The following DLEC1 variants were observed in gnomAD, a reference collection of about 807,000 sequenced individuals.
DLEC1 encodes deleted in lung and esophageal cancer protein 1.
A neutral mutation model predicts 198.1 loss-of-function variants in DLEC1; 146 were observed. The observed-to-expected ratio is 0.74, with a 90% CI of 0.64 to 0.85. The LOEUF is 0.85. Among genes scored for constraint, DLEC1 ranks in the 40% least tolerant of loss-of-function variants. DLEC1 has a pLI of 0.00. For synonymous variants in DLEC1, 897 were observed against 866.8 expected (o/e 1.03, Z -0.61); for missense variants, 2,233 against 2,220.0 (o/e 1.01, Z -0.12).
intron 23 of DLEC1, 41 bp downstream of exon 23, chr3:38,110,322 G>T: frequency 1.2e-6 from 2 of 1,609,628 alleles, no homozygotes; most frequent in Non-Finnish European, 8.5e-7. Context: ...AGATGAAGCT[G>T]GATGGGGTGT....
At position 38,116,606 on chromosome 3, in the gene DLEC1, G is replaced by T; in HGVS notation, c.4010G>T (p.Trp1337Leu). 1 of 1,614,118 alleles carries T rather than the reference G, an allele frequency of 6.2e-7. No individual in the cohort carries two copies. The highest frequency in any genetic ancestry group is 8.5e-7 in the Non-Finnish European group (1 of 1,179,982). ...ACCCCTGAGGGTGGCTGCCTCCTCT[G>T]GTCCCCAGGCCCCTCCAGTTCATCG... ...PDTPEGGCLL[W>L]SPGPSSSSEF... The change falls in exon 28 of 37, where the codon TGG becomes TTG. Residue 1337 changes from tryptophan to leucine, a missense_variant. Physicochemically the swap from Trp to Leu is moderately conservative, Grantham distance 61. Transcript: ENST00000308059.
chr3:38,058,319 C>G lies in DLEC1; in HGVS notation c.563-1423C>G, dbSNP rs573513575. Among the ~76,000 whole-genome samples, 92 of 152,248 alleles carry G rather than the reference C, an allele frequency of 6.0e-4. 3 individuals are homozygous for G. The South Asian group carries it at 0.019, about 31-fold the overall frequency. ...AGTGCTCTCTCTGCCCAGTCCTGATCCCCTGTGTGACACCACTTTCTGGTG... is the reference window on the plus strand; with the variant it reads ...AGTGCTCTCTCTGCCCAGTCCTGATGCCCTGTGTGACACCACTTTCTGGTG... On this transcript the variant is annotated intron_variant, in intron 2 of 36. Transcript: ENST00000308059.
At chr3:38,110,365 C>G in intron 23 of DLEC1, 84 bp downstream of exon 23, 1 of 1,519,258 alleles carries the variant, frequency 6.6e-7, no homozygotes, top group Non-Finnish European at 9.0e-7. Flanking sequence ...CTTAGGTGGC[C>G]AGTGGCTGGT....
intron 6 of DLEC1, among the ~76,000 whole-genome samples, chr3:38,065,915 T>C (rs757204398): frequency 1.3e-5 from 2 of 152,256 alleles, no homozygotes; most frequent in Non-Finnish European, 2.9e-5. Context: ...TTGAAGAAAC[T>C]GCAATTTCGT....
At chr3:38,040,873 T>C (rs1700620977) in intron 1 of DLEC1, among the ~76,000 whole-genome samples, 1 of 152,056 alleles carries the variant, frequency 6.6e-6, no homozygotes, top group Admixed American at 6.6e-5. Flanking sequence ...AGAGTCTGGC[T>C]CTGTTGCCCA....
chr3:38,068,315 T>C (rs534357116), intron 6 of DLEC1, among the ~76,000 whole-genome samples: 60 of 152,208 alleles, frequency 3.9e-4, no homozygotes, highest in African/African-American at 1.3e-3. Flanking sequence ...CTGCAACCTC[T>C]GCCTCCTGGG....
rs1219836157 is a variant in DLEC1 at position 38,100,543 on chromosome 3, T to C, written c.2864+118T>C. 3.0e-6 allele frequency: 4 copies of C among 1,314,018 alleles called. No homozygotes were observed. In the East Asian group the frequency reaches 8.5e-5, roughly 28 times the overall value. 81.4% of individuals were successfully genotyped at this position (1,314,018 alleles called of 1,614,324 possible). On this transcript the variant is annotated intron_variant, in intron 19 of 36. Transcript: ENST00000308059. ...TTTAAAACTATTGAATCCAGAAAATTAGTATTCTATAAAATTTGTAAATTA... is the reference window on the plus strand; with the variant it reads ...TTTAAAACTATTGAATCCAGAAAATCAGTATTCTATAAAATTTGTAAATTA...
At chr3:38,065,280 TGGC>T (rs1696959832) in intron 6 of DLEC1, among the ~76,000 whole-genome samples, 1 of 151,952 alleles carries the variant, frequency 6.6e-6, no homozygotes, top group Admixed American at 6.5e-5. Flanking sequence ...TGAGTCGAGA[TGGC>T]GGCAGTACAG....
At position 38,039,418 on chromosome 3, in the gene DLEC1, C is replaced by A. The variant is rs1559384859; in HGVS notation, c.193C>A (p.Arg65Ser). The change falls in exon 1 of 37, where the codon CGC becomes AGC. Residue 65 changes from arginine (R) to serine (S), a missense_variant. Arg to Ser is a moderately radical substitution (Grantham distance 110). Coordinates refer to ENST00000308059, the MANE Select transcript of DLEC1 (RefSeq NM_007335.4). ...FHYSFAARPR[R>S]LTQLALAQRP... ...CTACAGCTTCGCAGCCCGGCCCCGC[C>A]GCCTCACGCAGCTTGCGCTGGCGCA... 6.2e-7 allele frequency: 1 copy of A among 1,613,840 alleles called. No homozygotes were observed.
chr3:38,073,037 C>T (rs1031016075), intron 6 of DLEC1, among the ~76,000 whole-genome samples: 13 of 152,154 alleles, frequency 8.5e-5, no homozygotes, highest in South Asian at 2.1e-4. Flanking sequence ...TGAAACCTTG[C>T]GGCAGCACAG....
At chr3:38,119,079 C>A (rs903505414) in intron 33 of DLEC1, among the ~76,000 whole-genome samples, 2 of 152,152 alleles carry the variant, frequency 1.3e-5, no homozygotes, top group African/African-American at 2.4e-5. Flanking sequence ...CCAGAGCTTC[C>A]AAGGAGACAC....
chr3:38,100,242 C>T (rs1315320293), intron 18 of DLEC1, 44 bp from the exon 19 acceptor site: 4 of 1,552,996 alleles, frequency 2.6e-6, no homozygotes, highest in Admixed American at 2.0e-5. Context: ...TCTGCAATTC[C>T]AAGTGTCCTC....
At chr3:38,088,731 C>T (rs1698595138) in intron 10 of DLEC1, among the ~76,000 whole-genome samples, 1 of 152,158 alleles carries the variant, frequency 6.6e-6, no homozygotes, top group South Asian at 2.1e-4. Context: ...CCCCAGGCCC[C>T]TCTATCATCT....
At chr3:38,053,323 G>A (rs1306020803) in intron 2 of DLEC1, among the ~76,000 whole-genome samples, 4 of 151,744 alleles carry the variant, frequency 2.6e-5, no homozygotes, top group East Asian at 3.9e-4. Context: ...CTTCCCGGCC[G>A]CCATCCCATC....
intron 29 of DLEC1, 39 bp downstream of exon 29, chr3:38,116,928 C>T (rs369327138): frequency 8.7e-6 from 14 of 1,611,788 alleles, no homozygotes; most frequent in East Asian, 6.7e-5. Flanking sequence ...CTGCATTGGC[C>T]GGCCAGTGGG....
intron 2 of DLEC1, 68 bp from the exon 3 acceptor site, chr3:38,059,674 T>G (rs935879735): frequency 7.5e-6 from 10 of 1,325,104 alleles, no homozygotes; most frequent in Non-Finnish European, 1.1e-5. Context: ...ATGAAGAAAG[T>G]TTGGGTGTGG....
rs9821088 is a variant in DLEC1, at chr3:38,095,561, G to T, written c.2113-327G>T. ...GCTGAGATGAGTGATCCTGCCTCTG[G>T]TCCCAGCATCCAGCTGCCTCGTTGT... On this transcript the variant is annotated intron_variant, in intron 13 of 36. Coordinates refer to ENST00000308059, the MANE Select transcript of DLEC1 (RefSeq NM_007335.4). The T allele has an allele frequency of 7.3e-4, 261 of 356,286 alleles. 2 individuals carry two copies. The highest frequency in any genetic ancestry group is 5.1e-3 in the African/African-American group (246 of 48,472). The allele number at this position is 356,286 out of a possible 1,614,324, so 22.1% of individuals were successfully genotyped here.
In DLEC1 at chr3:38,061,929, G is replaced by T. The variant is rs1336168755; in HGVS notation, c.674-240G>T. Among the ~76,000 whole-genome samples, 3 of 152,142 alleles carry T rather than the reference G, an allele frequency of 2.0e-5. No individual in the cohort carries two copies. In the East Asian group the frequency reaches 5.8e-4, roughly 29 times the overall value. On this transcript the variant is annotated intron_variant, in intron 3 of 36. Transcript: ENST00000308059. ...TGGGCTTAAGTGATGCTCCCACCTT[G>T]GCCTCCCAAAGTGCTGGGATGATAG...
intron 19 of DLEC1, among the ~76,000 whole-genome samples, chr3:38,106,226 A>G (rs1699561061): frequency 6.6e-6 from 1 of 152,242 alleles, no homozygotes; most frequent in Admixed American, 6.5e-5. Flanking sequence ...TTGTATTTAC[A>G]TATGAATTTA....
Sources: allele counts gnomAD v4.1 joint callset (sites outside exome capture counted in the v4.1 genomes callset), GRCh38; gene constraint gnomAD v4.1.1; transcripts MANE v1.5; gene names NCBI Gene and HGNC (gene_info 2026-07-23, HGNC 2026-07-21).